Variants in AGT observed in about 807,000 individuals in gnomAD.
The protein encoded by AGT is alpha-1 antiproteinase, antitrypsin.
In AGT, 26 loss-of-function variants were observed where a neutral mutation model predicts 28.1. The ratio of observed to expected loss-of-function variants is 0.92; its 90% CI spans 0.68 to 1.28. AGT has a LOEUF of 1.28. AGT is among the 50% of genes most tolerant of loss of function. The pLI is 0.00. For synonymous variants in AGT, 259 were observed against 259.6 expected (o/e 1.00, Z 0.02); for missense variants, 596 against 592.3 (o/e 1.01, Z -0.06).
intron 1 of AGT, among the ~76,000 whole-genome samples, chr1:230,713,229 G>T (rs1009417721): frequency 6.6e-6 from 1 of 152,118 alleles, no homozygotes; most frequent in Non-Finnish European, 1.5e-5. Flanking sequence ...CAGGGTTCCC[G>T]CTGTTGTGTT....
chr1:230,737,198 T>C (rs1357591059), intron 1 of AGT, among the ~76,000 whole-genome samples: 1 of 152,176 alleles, frequency 6.6e-6, no homozygotes, highest in Non-Finnish European at 1.5e-5. Flanking sequence ...CTGCCTAGTT[T>C]ATACTGATCA....
Position 230,710,023 on chromosome 1 carries a change from C to T in AGT, c.801G>A (p.Leu267=), listed in dbSNP as rs1357821632. 3 of 1,614,190 alleles carry T rather than the reference C, an allele frequency of 1.9e-6. No homozygotes were observed. Among genetic ancestry groups the T allele is most frequent in the Non-Finnish European group, 2.5e-6 (3 of 1,180,038 alleles). ...SLMGASVDST[L]AFNTYVHFQG... is the part of the protein sequence containing the mutation. Reference sequence around the variant, plus strand: ...GGAAGTGGACGTAGGTGTTGAAAGCCAGGGTGCTGTCCACACTGGCTCCCA... The same window carrying T: ...GGAAGTGGACGTAGGTGTTGAAAGCTAGGGTGCTGTCCACACTGGCTCCCA... The change falls in exon 2 of 5, where the codon CTG becomes CTA. Residue 267 remains leucine, a synonymous_variant. Transcript: ENST00000366667.
At chr1:230,716,351 T>A (rs941403043), upstream of AGT, among the ~76,000 whole-genome samples, 3 of 152,206 alleles carry the variant, frequency 2.0e-5, no homozygotes, top group African/African-American at 7.2e-5. Flanking sequence ...GGAAGTTTCT[T>A]ATGTGTACAT....
chr1:230,735,522 C>T (rs942964394), intron 1 of AGT, among the ~76,000 whole-genome samples: 2 of 151,928 alleles, frequency 1.3e-5, no homozygotes, highest in African/African-American at 2.4e-5. Flanking sequence ...CTCCTTTGCC[C>T]CCCTGCCCAA....
chr1:230,715,287 AT>A (rs145366748), upstream of AGT, among the ~76,000 whole-genome samples: 513 of 152,226 alleles, frequency 3.4e-3, 4 homozygotes, highest in African/African-American at 0.011. Context: ...TCTGAAATAC[AT>A]TTTTTTAATT....
At position 230,706,109 on chromosome 1, in the gene AGT, C is replaced by T; in HGVS notation, c.921G>A (p.Met307Ile). The T allele has an allele frequency of 6.2e-7, 1 of 1,614,106 alleles. No individual in the cohort carries two copies. The highest frequency in any genetic ancestry group is 2.2e-5 in the East Asian group (1 of 44,864). The change falls in exon 3 of 5, where the codon ATG becomes ATA. Residue 307 changes from methionine to isoleucine, a missense_variant. Coordinates refer to ENST00000366667, the MANE Select transcript of AGT (RefSeq NM_001384479.1). ...TGTCACTCCAGTGCTGGAAGGTGCCCATGCCAGAGAGCATGGGAACAGACA... is the reference window on the plus strand; with the variant it reads ...TGTCACTCCAGTGCTGGAAGGTGCCTATGCCAGAGAGCATGGGAACAGACA... ...TSVSVPMLSG[M>I]GTFQHWSDIQ...
chr1:230,740,906 C>G (rs1380598700), intron 1 of AGT, among the ~76,000 whole-genome samples: 1 of 152,164 alleles, frequency 6.6e-6, no homozygotes, highest in East Asian at 1.9e-4. Context: ...AAGATCGCAC[C>G]ACTGCACTCT....
chr1:230,742,369 G>A (rs569886565), intron 1 of AGT, among the ~76,000 whole-genome samples: 1 of 152,176 alleles, frequency 6.6e-6, no homozygotes, highest in Non-Finnish European at 1.5e-5. Flanking sequence ...AGGCTGGAGT[G>A]CAGTAGCACC....
intron 1 of AGT, among the ~76,000 whole-genome samples, chr1:230,738,235 A>T (rs533384846): frequency 6.6e-6 from 1 of 152,336 alleles, no homozygotes; most frequent in South Asian, 2.1e-4. Context: ...GCTGGCTCCT[A>T]CAGTAACTCT....
At chr1:230,718,540 C>T (rs1663782898), upstream of AGT, among the ~76,000 whole-genome samples, 1 of 151,962 alleles carries the variant, frequency 6.6e-6, no homozygotes, top group African/African-American at 2.4e-5. Context: ...TCCCTGCTCT[C>T]CTCCTCAACT....
rs759472175 is a variant in AGT at position 230,703,250 on chromosome 1, T to A, written c.1322A>T (p.Glu441Val). ...GCGGTTCAGGGTCACCTCCAAGACC[T>A]CAGGCTTGTTAAGCTGTTGGGTAGA... ...TESTQQLNKP[E>V]VLEVTLNRPF... The change falls in exon 5 of 5, where the codon GAG becomes GTG. Residue 441 changes from glutamate to valine, a missense_variant. Physicochemically the swap from Glu to Val is moderately radical, Grantham distance 121. Coordinates refer to ENST00000366667, the MANE Select transcript of AGT (RefSeq NM_001384479.1). 19 of 1,614,066 alleles carry A rather than the reference T, an allele frequency of 1.2e-5. No individual in the cohort carries two copies. Among genetic ancestry groups the A allele is most frequent in the Non-Finnish European group, 1.5e-5 (18 of 1,180,046 alleles).
Position 230,710,299 on chromosome 1 carries a change from C to A in AGT, c.525G>T (p.Leu175=), listed in dbSNP as rs1451200289. 1 of 1,613,932 alleles carries A rather than the reference C, an allele frequency of 6.2e-7. No homozygotes were observed. Among genetic ancestry groups the A allele is most frequent in the Non-Finnish European group, 8.5e-7 (1 of 1,180,006 alleles). ...CCACTAGCAGGCCCTGTACAGCCTG[C>A]AGGGCAGACAGGACCTTGTGCGCAT... is the stretch of plus-strand genomic sequence containing the variant. ...RLDAHKVLSA[L]QAVQGLLVAQ... Residue 175 remains leucine, a synonymous_variant, in exon 2 of 5, where the codon CTG becomes CTT. Coordinates refer to ENST00000366667, the MANE Select transcript of AGT (RefSeq NM_001384479.1).
intron 1 of AGT, among the ~76,000 whole-genome samples, chr1:230,740,086 C>T (rs1364479632): frequency 6.6e-6 from 1 of 152,154 alleles, no homozygotes; most frequent in Non-Finnish European, 1.5e-5. Flanking sequence ...GCAGAGGCTT[C>T]CCTGAAACAA....
chr1:230,706,617 G>A lies in AGT; in HGVS notation c.830-417C>T, dbSNP rs11568039. Among the ~76,000 whole-genome samples the A allele has an allele frequency of 7.7e-3, 1,169 of 152,208 alleles. 13 individuals are homozygous for A. Among genetic ancestry groups the A allele is most frequent in the Non-Finnish European group, 0.013 (866 of 68,008 alleles). Reference sequence around the variant, plus strand: ...ATGTTATTTTTTAGAGTGACTTTAGGTTCACAGCAAAATCGAGCAGAAAGT... The same window carrying A: ...ATGTTATTTTTTAGAGTGACTTTAGATTCACAGCAAAATCGAGCAGAAAGT... On this transcript the variant is annotated intron_variant, in intron 2 of 4. Transcript: ENST00000366667.
chr1:230,705,473 G>A (rs1663354300), intron 3 of AGT, among the ~76,000 whole-genome samples: 1 of 151,982 alleles, frequency 6.6e-6, no homozygotes, highest in East Asian at 1.9e-4. Context: ...CCGCCAGCAA[G>A]GGCGTTCTGG....
chr1:230,716,681 C>A (rs1424377981), upstream of AGT, among the ~76,000 whole-genome samples: 1 of 152,184 alleles, frequency 6.6e-6, no homozygotes, highest in Non-Finnish European at 1.5e-5. Flanking sequence ...GTAAGATGTG[C>A]TTTTGCTCCT....
intron 1 of AGT, among the ~76,000 whole-genome samples, chr1:230,727,727 T>C (rs571388377): frequency 2.3e-4 from 35 of 152,292 alleles, no homozygotes; most frequent in Middle Eastern, 6.8e-3. Context: ...CTTTTATGAG[T>C]AATTATTGAT....
At chr1:230,732,936 T>C (rs1331255854) in intron 1 of AGT, among the ~76,000 whole-genome samples, 2 of 151,914 alleles carry the variant, frequency 1.3e-5, no homozygotes, top group Non-Finnish European at 2.9e-5. Flanking sequence ...TGCAGACAGG[T>C]ACCTAAAACC....
chr1:230,719,410 T>A (rs536914512), upstream of AGT, among the ~76,000 whole-genome samples: 62 of 58,114 alleles, frequency 1.1e-3, no homozygotes, highest in East Asian at 0.023. Context: ...CATTATGTTT[T>A]TTTTTTTTTT....
Sources: gnomAD v4.1 joint callset for allele counts (sites outside exome capture counted in the v4.1 genomes callset) on GRCh38, gnomAD v4.1.1 for gene constraint, MANE v1.5 for transcripts, NCBI Gene and HGNC (gene_info 2026-07-23, HGNC 2026-07-21) for gene names.